FAM13A: variants seen among roughly 807,000 people sequenced by gnomAD.
The protein encoded by FAM13A is protein FAM13A.
A neutral mutation model predicts 129.6 loss-of-function variants in FAM13A; 76 were observed. The observed-to-expected ratio is 0.59, with a 90% CI of 0.49 to 0.71. The LOEUF (loss-of-function observed/expected upper bound fraction) is 0.71, where lower values mean the gene tolerates loss of function less well. Among genes scored for constraint, FAM13A ranks in the 30% least tolerant of loss-of-function variants. The probability of loss-of-function intolerance (pLI) is 0.00; values close to 1 mark genes in which losing one functional copy is unlikely to be tolerated. For synonymous variants in FAM13A, 443 were observed against 449.9 expected (o/e 0.98, Z 0.20); for missense variants, 1,108 against 1,249.3 (o/e 0.89, Z 1.70).
chr4:88,746,520 C>G (rs1356369650), intron 19 of FAM13A, among the ~76,000 whole-genome samples: 1 of 152,186 alleles, frequency 6.6e-6, no homozygotes, highest in Non-Finnish European at 1.5e-5. Context: ...ATTCTAGTTT[C>G]ACACCTTTCA....
intron 4 of FAM13A, among the ~76,000 whole-genome samples, chr4:88,953,843 A>G (rs1001986206): frequency 1.1e-4 from 17 of 152,160 alleles, no homozygotes; most frequent in African/African-American, 3.6e-4. Flanking sequence ...TTGTTTGTCT[A>G]TTCATTCACT....
intron 5 of FAM13A, among the ~76,000 whole-genome samples, chr4:88,909,728 G>A (rs145479377): frequency 0.041 from 6,282 of 152,042 alleles, 169 homozygotes; most frequent in Non-Finnish European, 0.062. Flanking sequence ...CTTGTGATCC[G>A]CCCACCCTGG....
At chr4:88,816,749 CAT>C (rs765746056) in intron 7 of FAM13A, among the ~76,000 whole-genome samples, 6 of 152,198 alleles carry the variant, frequency 3.9e-5, no homozygotes, top group Non-Finnish European at 7.3e-5. Context: ...ATTCTTTAGA[CAT>C]GTGTGTAGAG....
intron 3 of FAM13A, among the ~76,000 whole-genome samples, chr4:89,004,536 T>C (rs1764734023): frequency 6.6e-6 from 1 of 152,220 alleles, no homozygotes; most frequent in Admixed American, 6.5e-5. Flanking sequence ...AACTCCAAGT[T>C]GAATTCATTT....
chr4:88,992,270 CTTCT>C (rs978816666), intron 3 of FAM13A, among the ~76,000 whole-genome samples: 8 of 104,138 alleles, frequency 7.7e-5, no homozygotes, highest in Non-Finnish European at 1.5e-4. Flanking sequence ...TTTTTTTCTT[CTTCT>C]TTTTTTTTTT....
chr4:88,922,367 C>T (rs1751266365), intron 5 of FAM13A, among the ~76,000 whole-genome samples: 1 of 152,052 alleles, frequency 6.6e-6, no homozygotes, highest in Non-Finnish European at 1.5e-5. Context: ...GACCACAGTG[C>T]AATCAAACTA....
chr4:88,850,330 G>C (rs1440275806), intron 7 of FAM13A, among the ~76,000 whole-genome samples: 2 of 151,702 alleles, frequency 1.3e-5, no homozygotes, highest in African/African-American at 2.4e-5. Context: ...CGAGGTAGAG[G>C]GATCATTTGA....
chr4:88,921,411 A>C (rs2148717155), intron 5 of FAM13A, among the ~76,000 whole-genome samples: 1 of 152,326 alleles, frequency 6.6e-6, no homozygotes, highest in East Asian at 1.9e-4. Flanking sequence ...ATTCTTAAAG[A>C]AAAGAATTTT....
At chr4:89,006,308 A>G (rs1484749002) in intron 3 of FAM13A, among the ~76,000 whole-genome samples, 1 of 152,258 alleles carries the variant, frequency 6.6e-6, no homozygotes, top group Non-Finnish European at 1.5e-5. Context: ...ACAGTTGAGA[A>G]GCACTGACCT....
intron 1 of FAM13A, among the ~76,000 whole-genome samples, chr4:89,034,787 C>T (rs1769151956): frequency 6.6e-6 from 1 of 152,172 alleles, no homozygotes; most frequent in Non-Finnish European, 1.5e-5. Flanking sequence ...GAGGCTGAGG[C>T]AGGAGAATCA....
Position 88,727,222 on chromosome 4 carries a change from C to T in FAM13A, c.*1311G>A, listed in dbSNP as rs942097634. 1.3e-5 allele frequency: 2 copies of T among 152,544 alleles called. No individual in the cohort carries two copies. Among genetic ancestry groups the T allele is most frequent in the Admixed American group, 6.5e-5 (1 of 15,274 alleles). 9.4% of individuals were successfully genotyped at this position (152,544 alleles called of 1,614,324 possible). ...GCGAGCAGATGCCTGGGCTCGGCCT[C>T]GCAAAGCACAAAGGTGGACACAGAA... On this transcript the variant is annotated 3_prime_UTR_variant, in exon 24 of 24. Transcript: ENST00000264344.
At chr4:88,791,005 T>C (rs1301620808) in intron 8 of FAM13A, among the ~76,000 whole-genome samples, 1 of 152,066 alleles carries the variant, frequency 6.6e-6, no homozygotes, top group Non-Finnish European at 1.5e-5. Context: ...ATTTCTATCT[T>C]TTCCCAGCCC....
rs780077820 is a variant in FAM13A at position 89,004,081 on chromosome 4, G to A, written c.428-12931C>T. 7.9e-5 allele frequency among the ~76,000 whole-genome samples: 12 copies of A among 151,898 alleles called. No individual in the cohort carries two copies. In the South Asian group the frequency reaches 1.0e-3, roughly 13 times the overall value. On this transcript the variant is annotated intron_variant, in intron 3 of 23. Coordinates refer to ENST00000264344, the MANE Select transcript of FAM13A (RefSeq NM_014883.4). ...AAAGCAATCCTCCTACCTTGGCATCGCAAAATGCTGGAATTATATAGTCAT... is the reference window on the plus strand; with the variant it reads ...AAAGCAATCCTCCTACCTTGGCATCACAAAATGCTGGAATTATATAGTCAT...
At chr4:88,730,844 C>T (rs1737572372) in intron 23 of FAM13A, among the ~76,000 whole-genome samples, 1 of 152,108 alleles carries the variant, frequency 6.6e-6, no homozygotes, top group Admixed American at 6.5e-5. Context: ...CTCTATTGCC[C>T]AGAATAGAGT....
chr4:88,847,572 A>G (rs1736850783), intron 7 of FAM13A, among the ~76,000 whole-genome samples: 1 of 152,184 alleles, frequency 6.6e-6, no homozygotes, highest in Non-Finnish European at 1.5e-5. Flanking sequence ...TTCATTCTCC[A>G]AAAGGAGAGT....
chr4:88,825,369 C>G (rs944063469), intron 7 of FAM13A, among the ~76,000 whole-genome samples: 1 of 151,716 alleles, frequency 6.6e-6, no homozygotes, highest in African/African-American at 2.4e-5. Context: ...GTGCTCGCCA[C>G]CATGCCCCCC....
At chr4:88,887,526 C>CT (rs1744629954) in intron 6 of FAM13A, among the ~76,000 whole-genome samples, 1 of 105,930 alleles carries the variant, frequency 9.4e-6, no homozygotes, top group Non-Finnish European at 1.9e-5. Flanking sequence ...ATGTACCTTT[C>CT]TTTCTTTCTT....
At chr4:88,911,678 T>C in intron 5 of FAM13A, among the ~76,000 whole-genome samples, 1 of 152,178 alleles carries the variant, frequency 6.6e-6, no homozygotes, top group East Asian at 1.9e-4. Flanking sequence ...TCTCATCTCC[T>C]TTCATCTCCC....
chr4:88,926,963 GTACACACACC>G (rs1452277522), intron 5 of FAM13A, among the ~76,000 whole-genome samples: 1 of 151,824 alleles, frequency 6.6e-6, no homozygotes, highest in African/African-American at 2.4e-5. Context: ...TTTAGTGTGT[GTACACACACC>G]TACACCCACC....
Sources: gnomAD v4.1 joint callset for allele counts (sites outside exome capture counted in the v4.1 genomes callset) on GRCh38, gnomAD v4.1.1 for gene constraint, MANE v1.5 for transcripts, NCBI Gene and HGNC (gene_info 2026-07-23, HGNC 2026-07-21) for gene names.